Variants in TTLL6 observed in about 807,000 individuals in gnomAD.
TTLL6 encodes tubulin polyglutamylase TTLL6.
In TTLL6, 75 loss-of-function variants were observed where a neutral mutation model predicts 96.4. The observed-to-expected ratio is 0.78, with a 90% CI of 0.65 to 0.94. The LOEUF (loss-of-function observed/expected upper bound fraction) is 0.94. Ranked by LOEUF, TTLL6 falls within the 40% of genes least tolerant of loss-of-function variation. TTLL6 has a pLI of 0.00. For synonymous variants in TTLL6, 411 were observed against 419.4 expected (o/e 0.98, Z 0.24); for missense variants, 1,030 against 1,093.0 (o/e 0.94, Z 0.81).
At chr17:48,763,522 C>T (rs1367712178) in intron 15 of TTLL6, among the ~76,000 whole-genome samples, 1 of 152,162 alleles carries the variant, frequency 6.6e-6, no homozygotes, top group Non-Finnish European at 1.5e-5. Context: ...TGAGGCCAGG[C>T]ACAGTGGCTC....
intron 3 of TTLL6, among the ~76,000 whole-genome samples, chr17:48,802,084 AAGAAAGAAAG>A (rs1567733525): frequency 1.4e-4 from 1 of 7,098 alleles, no homozygotes; most frequent in East Asian, 1.0e-3. Flanking sequence ...AAGAAAAAGA[AAGAAAGAAAG>A]AAAGAAAGAA....
intron 4 of TTLL6, 49 bp from the exon 5 acceptor site, chr17:48,801,434 T>C: frequency 6.4e-7 from 1 of 1,551,286 alleles, no homozygotes; most frequent in East Asian, 2.4e-5. Context: ...ATGGGAGTAC[T>C]ACAAGATCTC....
chr17:48,801,318 C>A lies in TTLL6; in HGVS notation c.548G>T (p.Arg183Leu), dbSNP rs760615802. The A allele has an allele frequency of 8.8e-5, 136 of 1,551,428 alleles. No homozygotes were observed. Among genetic ancestry groups the A allele is most frequent in the African/African-American group, 8.2e-5 (6 of 72,998 alleles). Reference protein sequence around the residue: ...RKDLLARNMSRMLKMFPKDFR... With the variant: ...RKDLLARNMSLMLKMFPKDFR... ...ATCTTTAGGGAACATCTTTAACATG[C>A]GGCTCATGTTCCTGGCCAGCAAGTC... is the stretch of plus-strand genomic sequence containing the variant. The change falls in exon 5 of 16, where the codon CGC (arginine) becomes CTC (leucine). Residue 183 changes from arginine (R) to leucine (L), a missense_variant. Coordinates refer to ENST00000393382, the MANE Select transcript of TTLL6 (RefSeq NM_001130918.3).
chr17:48,787,309 G>T (rs1187155068), intron 11 of TTLL6, among the ~76,000 whole-genome samples: 1 of 152,130 alleles, frequency 6.6e-6, no homozygotes, highest in African/African-American at 2.4e-5. Flanking sequence ...TCTAGAAAGA[G>T]CTACTTCTCT....
chr17:48,807,708 C>T lies in TTLL6; in HGVS notation c.104-2717G>A, dbSNP rs888088755. ...TATATTTTTAGTAGAGACAGGATTG[C>T]GCCATGTTGGCCAAGCTGGTCTTCA... On this transcript the variant is annotated intron_variant, in intron 1 of 15. Coordinates refer to ENST00000393382, the MANE Select transcript of TTLL6 (RefSeq NM_001130918.3). 5.3e-5 allele frequency among the ~76,000 whole-genome samples: 8 copies of T among 151,828 alleles called. No homozygotes were observed. The South Asian group carries it at 6.3e-4, about 12-fold the overall frequency.
At position 48,786,185 on chromosome 17, in the gene TTLL6, G is replaced by A. The variant is rs141189437; in HGVS notation, c.1740C>T (p.Ala580=). ...WQQKQQQKDK[A]ATQASKQYIQ... ...TTACCTGTTTGGAGGCTTGGGTGGC[G>A]GCCTTGTCTTTCTGCTGTTGTTTCT... Residue 580 remains alanine (A), a synonymous_variant, in exon 12 of 16, where the codon GCC becomes GCT. Transcript: ENST00000393382. 53 of 1,614,030 alleles carry A rather than the reference G, an allele frequency of 3.3e-5. No homozygotes were observed. Among genetic ancestry groups the A allele is most frequent in the African/African-American group, 5.3e-5 (4 of 74,908 alleles).
rs750673173 is a variant in TTLL6 at position 48,791,522 on chromosome 17, G to C, written c.1080C>G (p.Ile360Met). Residue 360 changes from isoleucine (I) to methionine (M), a missense_variant, in exon 9 of 16, where the codon ATC becomes ATG. Ile to Met is a conservative substitution (Grantham distance 10, BLOSUM62 1). Coordinates refer to ENST00000393382, the MANE Select transcript of TTLL6 (RefSeq NM_001130918.3). ...EQIWRDIEDVIIKTLISAHPI... is the reference protein window; with the variant it reads ...EQIWRDIEDVMIKTLISAHPI... ...GGTGGGCCGAGATGAGGGTCTTGATGATGACGTCCTCAATATCCCTCCATA... is the reference window on the plus strand; with the variant it reads ...GGTGGGCCGAGATGAGGGTCTTGATCATGACGTCCTCAATATCCCTCCATA... 18 of 1,614,088 alleles carry C rather than the reference G, an allele frequency of 1.1e-5. No homozygotes were observed. The highest frequency in any genetic ancestry group is 5.3e-5 in the African/African-American group (4 of 74,928).
chr17:48,793,696 C>G (rs1235962123), intron 8 of TTLL6, among the ~76,000 whole-genome samples: 2 of 152,100 alleles, frequency 1.3e-5, no homozygotes, highest in Non-Finnish European at 2.9e-5. Flanking sequence ...TCAGGCAGCC[C>G]TGGTTTCAAT....
chr17:48,794,111 G>C, intron 8 of TTLL6: 1 of 1,578,226 alleles, frequency 6.3e-7, no homozygotes, highest in Non-Finnish European at 8.6e-7. Context: ...AGAGTGGATG[G>C]AGAAGTACAG....
intron 1 of TTLL6, among the ~76,000 whole-genome samples, chr17:48,808,374 A>ATG (rs149038470): frequency 0.021 from 3,183 of 148,652 alleles, 35 homozygotes; most frequent in Non-Finnish European, 0.025. Context: ...TCTCATATGT[A>ATG]TGTGTGTGTG....
chr17:48,807,005 G>C (rs2039514940), intron 1 of TTLL6, among the ~76,000 whole-genome samples: 1 of 151,638 alleles, frequency 6.6e-6, no homozygotes, highest in Non-Finnish European at 1.5e-5. Context: ...ACTGCAGCCT[G>C]GGCAACAACA....
chr17:48,773,114 G>A (rs749311597), intron 13 of TTLL6, among the ~76,000 whole-genome samples: 2 of 74,026 alleles, frequency 2.7e-5, no homozygotes, highest in Non-Finnish European at 5.6e-5. Context: ...CAGTCAGCGA[G>A]TTTGACTATA....
intron 8 of TTLL6, among the ~76,000 whole-genome samples, chr17:48,795,857 G>A (rs964746626): frequency 5.9e-5 from 9 of 152,274 alleles, no homozygotes; most frequent in Non-Finnish European, 1.2e-4. Flanking sequence ...CAGGGTTTAC[G>A]ATGGGGCCTT....
At chr17:48,777,457 G>A (rs936061378) in intron 13 of TTLL6, among the ~76,000 whole-genome samples, 4 of 152,086 alleles carry the variant, frequency 2.6e-5, no homozygotes, top group South Asian at 2.1e-4. Context: ...TAGGCTGGGC[G>A]TGGTGGCTCA....
intron 13 of TTLL6, among the ~76,000 whole-genome samples, chr17:48,774,352 C>T (rs868849029): frequency 1.4e-5 from 2 of 147,894 alleles, no homozygotes; most frequent in Non-Finnish European, 3.0e-5. Flanking sequence ...TTAGTAGAGA[C>T]GGGGTTTCAC....
In TTLL6 at chr17:48,787,857, G is replaced by A; in HGVS notation, c.1543C>T (p.Leu515Phe). 2 of 1,614,214 alleles carry A rather than the reference G, an allele frequency of 1.2e-6. No homozygotes were observed. The highest frequency in any genetic ancestry group is 2.2e-5 in the South Asian group (2 of 91,086). The change falls in exon 11 of 16, where the codon CTC becomes TTC. Residue 515 changes from leucine to phenylalanine, a missense_variant. Coordinates refer to ENST00000393382, the MANE Select transcript of TTLL6 (RefSeq NM_001130918.3). The stretch of plus-strand genomic sequence containing the variant: ...CTGGAAGCAACAGTATTCTGGAAGA[G>A]GGAGTTGTTGTCCTGGAAAAACTTC... Reference protein sequence around the residue: ...YEKFFQDNNSLFQNTVASRAR... With the variant: ...YEKFFQDNNSFFQNTVASRAR...
At chr17:48,790,127 G>A in intron 9 of TTLL6, 21 bp from the exon 10 acceptor site, 3 of 1,611,150 alleles carry the variant, frequency 1.9e-6, no homozygotes, top group Non-Finnish European at 2.5e-6. Flanking sequence ...AAGATTGGCA[G>A]CTGGTGACAA....
chr17:48,777,823 A>C (rs951565564), intron 13 of TTLL6, among the ~76,000 whole-genome samples: 2 of 152,058 alleles, frequency 1.3e-5, no homozygotes, highest in Admixed American at 6.6e-5. Flanking sequence ...AGACAGGAGA[A>C]TTGCTTGAAC....
chr17:48,817,052 A>G lies in TTLL6; in HGVS notation c.21T>C (p.His7=), dbSNP rs1323379738. 6.5e-7 allele frequency: 1 copy of G among 1,544,502 alleles called. No homozygotes were observed. ...CACCTGCCGGCCCCCTCCTCGAAGGATGAAGGAGTAACGCTCCCATTGGCT... is the reference window on the plus strand; with the variant it reads ...CACCTGCCGGCCCCCTCCTCGAAGGGTGAAGGAGTAACGCTCCCATTGGCT... MGALLL[H]PSRRGPAGVV... Residue 7 remains histidine, a synonymous_variant, in exon 1 of 16, where the codon CAT becomes CAC. Transcript: ENST00000393382.
Sources: gnomAD v4.1 joint callset for allele counts (sites outside exome capture counted in the v4.1 genomes callset) on GRCh38, gnomAD v4.1.1 for gene constraint, MANE v1.5 for transcripts, NCBI Gene and HGNC (gene_info 2026-07-23, HGNC 2026-07-21) for gene names.